SCUBE2: variants seen among roughly 807,000 people sequenced by gnomAD.
SCUBE2 encodes the protein signal peptide, CUB and EGF-like domain-containing protein 2.
Under a neutral mutation model 125.9 loss-of-function variants are expected in SCUBE2, and 114 were observed. That is an observed-to-expected ratio of 0.91 (90% confidence interval 0.78 to 1.06). The LOEUF (loss-of-function observed/expected upper bound fraction) is 1.06. Among genes scored for constraint, SCUBE2 ranks in the 50% least tolerant of loss-of-function variants. SCUBE2 has a pLI of 0.00. For missense variants in SCUBE2, 1,255 were observed against 1,301.8 expected, an observed-to-expected ratio of 0.96 and a Z score of 0.55; for synonymous variants, 459 against 492.9, an observed-to-expected ratio of 0.93 and a Z score of 0.91.
chr11:9,080,621 C>T (rs755725765), intron 2 of SCUBE2, among the ~76,000 whole-genome samples: 4 of 150,926 alleles, frequency 2.7e-5, no homozygotes, highest in Admixed American at 6.6e-5. Context: ...TGCATTCCAG[C>T]CTGGGTGACA....
At position 9,046,029 on chromosome 11, in the gene SCUBE2, C is replaced by T. The variant is rs369908707; in HGVS notation, c.2002+1327G>A. Among the ~76,000 whole-genome samples, 624 of 118,102 alleles carry T rather than the reference C, an allele frequency of 5.3e-3. 7 individuals are homozygous for T. The highest frequency in any genetic ancestry group is 0.018 in the African/African-American group (577 of 31,366). The allele number at this position is 118,102 out of a possible 152,430, so 77.5% of individuals were successfully genotyped here. A position where few individuals can be genotyped will look rare whatever the true frequency, so the allele number is the denominator to read the frequency against. On this transcript the variant is annotated intron_variant, in intron 16 of 22. Transcript: ENST00000649792. ...TTTTTTTTTTTTTTTTTTTTTGAGA[C>T]GGAGTCTTGCTCTGTCGCCCAGGCT...
At chr11:9,052,015 G>T (rs1420243681) in intron 13 of SCUBE2, among the ~76,000 whole-genome samples, 1 of 152,198 alleles carries the variant, frequency 6.6e-6, no homozygotes, top group Non-Finnish European at 1.5e-5. Context: ...AAACCACTTT[G>T]AGTAAGTTAT....
At chr11:9,047,683 C>G in intron 15 of SCUBE2, 121 bp from the exon 16 acceptor site, 1 of 1,061,320 alleles carries the variant, frequency 9.4e-7, no homozygotes, top group Non-Finnish European at 1.4e-6. Flanking sequence ...TGGGGAGAAA[C>G]CTGGAGGGGG....
intron 3 of SCUBE2, among the ~76,000 whole-genome samples, chr11:9,077,821 T>C (rs1359073617): frequency 1.3e-5 from 2 of 152,224 alleles, no homozygotes; most frequent in African/African-American, 4.8e-5. Context: ...ATGGAGATAC[T>C]CTGTGCTGAT....
chr11:9,029,345 C>T (rs181841360), intron 19 of SCUBE2, among the ~76,000 whole-genome samples: 1 of 152,328 alleles, frequency 6.6e-6, no homozygotes, highest in Admixed American at 6.5e-5. Flanking sequence ...TTGCTTGCCT[C>T]GATCTGTGCT....
intron 13 of SCUBE2, 29 bp downstream of exon 13, chr11:9,052,717 C>A (rs1454531879): frequency 6.7e-7 from 1 of 1,491,434 alleles, no homozygotes; most frequent in East Asian, 2.5e-5. Flanking sequence ...AGTGAGCCCC[C>A]AGAGAGAACA....
At chr11:9,074,449 C>G (rs536674945) in intron 4 of SCUBE2, 32 bp downstream of exon 4, 2 of 1,612,430 alleles carry the variant, frequency 1.2e-6, no homozygotes. Flanking sequence ...TCAGATGTGG[C>G]TCTGCCCCCA....
At chr11:9,077,918 TG>T (rs1861330857) in intron 3 of SCUBE2, among the ~76,000 whole-genome samples, 1 of 152,198 alleles carries the variant, frequency 6.6e-6, no homozygotes, top group Non-Finnish European at 1.5e-5. Flanking sequence ...CCACCAGCCC[TG>T]GCCCAGGTTC....
rs55972512 is a variant in SCUBE2, at chr11:9,032,555, G to A, written c.2173+1071C>T. On this transcript the variant is annotated intron_variant, in intron 17 of 22. Transcript: ENST00000649792. ...TTGAGACCAGCCTGGCCAACATAGC[G>A]AAACCCCATCTCTGCTAAAATACAA... 7.5e-3 allele frequency among the ~76,000 whole-genome samples: 1,147 copies of A among 152,214 alleles called. 12 individuals carry two copies. Among genetic ancestry groups the A allele is most frequent in the African/African-American group, 0.026 (1,090 of 41,512 alleles).
rs747878268 is a variant in SCUBE2 at position 9,059,406 on chromosome 11, G to T, written c.987C>A (p.Thr329=). 17 of 1,613,962 alleles carry T rather than the reference G, an allele frequency of 1.1e-5. No homozygotes were observed. The highest frequency in any genetic ancestry group is 1.4e-5 in the Non-Finnish European group (16 of 1,180,008). ...KTCKDIDECQ[T]RNGGCDHFCK... is the part of the protein sequence containing the mutation. ...AGAAATGATCACAACCTCCATTGCG[G>T]GTCTGGCACTCATCAATATCTGCAA... Residue 329 remains threonine, a synonymous_variant, in exon 9 of 23, where the codon ACC becomes ACA. Transcript: ENST00000649792.
intron 13 of SCUBE2, among the ~76,000 whole-genome samples, chr11:9,051,965 A>T (rs1858461448): frequency 6.6e-6 from 1 of 152,170 alleles, no homozygotes. Context: ...CTGGACCCAG[A>T]CTGCCTGGGT....
chr11:9,032,919 G>C (rs1856437418), intron 17 of SCUBE2, among the ~76,000 whole-genome samples: 1 of 152,072 alleles, frequency 6.6e-6, no homozygotes, highest in Non-Finnish European at 1.5e-5. Flanking sequence ...AGTTATTTAG[G>C]TGGGAAATAA....
intron 4 of SCUBE2, among the ~76,000 whole-genome samples, chr11:9,070,488 C>T (rs966008220): frequency 5.3e-5 from 8 of 152,200 alleles, no homozygotes; most frequent in African/African-American, 1.9e-4. Context: ...TTATTAATTA[C>T]CTGTTCCTAT....
chr11:9,061,372 C>G (rs928115152), intron 7 of SCUBE2, among the ~76,000 whole-genome samples: 2 of 149,870 alleles, frequency 1.3e-5, no homozygotes, highest in African/African-American at 4.9e-5. Context: ...GCCTGGGCCA[C>G]GTGGTGAGAC....
Position 9,025,831 on chromosome 11 carries a change from A to C in SCUBE2, c.2725T>G (p.Tyr909Asp), listed in dbSNP as rs1180217343. 1 of 1,613,968 alleles carries C rather than the reference A, an allele frequency of 6.2e-7. No homozygotes were observed. The highest frequency in any genetic ancestry group is 8.5e-7 in the Non-Finnish European group (1 of 1,180,002). Residue 909 changes from tyrosine to aspartate, a missense_variant, in exon 21 of 23, where the codon TAT (tyrosine) becomes GAT (aspartate). By Grantham distance (160) the Tyr-to-Asp change is radical. Transcript: ENST00000649792. Reference sequence around the variant, plus strand: ...CGTTCGTAGGTCTGGCAGGTTTCATATGTTGTCACAGAATTGGATGAAGCT... The same window carrying C: ...CGTTCGTAGGTCTGGCAGGTTTCATCTGTTGTCACAGAATTGGATGAAGCT... ...KTSSSNSVTTYETCQTYERPI... is the reference protein window; with the variant it reads ...KTSSSNSVTTDETCQTYERPI...
chr11:9,038,266 G>A (rs1436612332), intron 16 of SCUBE2, among the ~76,000 whole-genome samples: 2 of 152,176 alleles, frequency 1.3e-5, no homozygotes, highest in Admixed American at 1.3e-4. Context: ...TTACAAAGAG[G>A]GGGTAGGGAT....
chr11:9,076,883 G>A (rs768865232), intron 3 of SCUBE2, among the ~76,000 whole-genome samples: 2 of 152,120 alleles, frequency 1.3e-5, no homozygotes, highest in Non-Finnish European at 2.9e-5. Flanking sequence ...AGGATGAGCC[G>A]TGCTGGAACA....
At chr11:9,072,454 T>C (rs946010948) in intron 4 of SCUBE2, among the ~76,000 whole-genome samples, 1 of 152,162 alleles carries the variant, frequency 6.6e-6, no homozygotes, top group African/African-American at 2.4e-5. Flanking sequence ...GTGATCTGCC[T>C]GCCTCGGCCT....
intron 7 of SCUBE2, among the ~76,000 whole-genome samples, chr11:9,064,085 G>T (rs1407900834): frequency 6.6e-6 from 1 of 152,188 alleles, no homozygotes; most frequent in Non-Finnish European, 1.5e-5. Flanking sequence ...GTGTGTGTGT[G>T]TGTATTGCGG....
Sources: allele counts gnomAD v4.1 joint callset (sites outside exome capture counted in the v4.1 genomes callset), GRCh38; gene constraint gnomAD v4.1.1; transcripts MANE v1.5; gene names NCBI Gene and HGNC (gene_info 2026-07-23, HGNC 2026-07-21).